Variants in PTPN22 observed in about 807,000 individuals in gnomAD.
PTPN22 encodes the protein tyrosine-protein phosphatase non-receptor type 22.
Under a neutral mutation model 103.3 loss-of-function variants are expected in PTPN22, and 85 were observed. The observed-to-expected ratio is 0.82, with a 90% CI of 0.69 to 0.99. The LOEUF is 0.99. Among genes scored for constraint, PTPN22 ranks in the 50% least tolerant of loss-of-function variants. The probability of loss-of-function intolerance (pLI) is 0.00; values close to 1 mark genes in which losing one functional copy is unlikely to be tolerated. For missense variants in PTPN22, 865 were observed against 936.9 expected (o/e 0.92, Z 1.00); for synonymous variants, 323 against 310.2 (o/e 1.04, Z -0.43).
At chr1:113,857,553 A>G (rs1053674238) in intron 5 of PTPN22, 185 bp downstream of exon 5, 3 of 550,268 alleles carry the variant, frequency 5.5e-6, no homozygotes, top group Non-Finnish European at 9.7e-6. Context: ...TGAGAAAACA[A>G]ACAAATAGGA....
rs547213135 is a variant in PTPN22 at position 113,834,235 on chromosome 1, G to C, written c.2025+74C>G. 54 of 1,384,938 alleles carry C rather than the reference G, an allele frequency of 3.9e-5. No homozygotes were observed. In the East Asian group the frequency reaches 4.8e-4, roughly 12 times the overall value. The allele number at this position is 1,384,938 out of a possible 1,614,324, so 85.8% of individuals were successfully genotyped here. A position where few individuals can be genotyped will look rare whatever the true frequency, so the allele number is the denominator to read the frequency against. ...TGTGCTTAGGATTTATTGAATGATGGGTGTTAAAAATACAAGGAGTAGAAC... is the reference window on the plus strand; with the variant it reads ...TGTGCTTAGGATTTATTGAATGATGCGTGTTAAAAATACAAGGAGTAGAAC... On this transcript the variant is annotated intron_variant, in intron 15 of 20. Transcript: ENST00000359785.
chr1:113,828,511 C>A (rs1430605353), intron 18 of PTPN22, among the ~76,000 whole-genome samples: 1 of 152,106 alleles, frequency 6.6e-6, no homozygotes, highest in African/African-American at 2.4e-5. Context: ...AACCATCCAT[C>A]TTTATCCCCT....
intron 17 of PTPN22, 70 bp downstream of exon 17, chr1:113,829,878 TC>T: frequency 7.2e-7 from 1 of 1,391,554 alleles, no homozygotes; most frequent in Admixed American, 1.7e-5. Context: ...TCCATTTAGG[TC>T]CTACTTTATT....
At chr1:113,855,903 T>G (rs1010433823) in intron 7 of PTPN22, among the ~76,000 whole-genome samples, 1 of 152,226 alleles carries the variant, frequency 6.6e-6, no homozygotes, top group South Asian at 2.1e-4. Context: ...CTCAAACTGG[T>G]CCCCAGTCTC....
chr1:113,834,742 T>A (rs1374252538), intron 14 of PTPN22, among the ~76,000 whole-genome samples, 168 bp downstream of exon 14: 2 of 151,714 alleles, frequency 1.3e-5, no homozygotes, highest in Non-Finnish European at 2.9e-5. Flanking sequence ...AAAAAAAAAA[T>A]TAGAGATGAG....
At chr1:113,830,967 CAA>C (rs1049657395) in intron 16 of PTPN22, among the ~76,000 whole-genome samples, 3 of 152,106 alleles carry the variant, frequency 2.0e-5, no homozygotes, top group African/African-American at 7.2e-5. Flanking sequence ...GTAATACACA[CAA>C]GTGTAGTACT....
At chr1:113,844,892 G>A (rs1298213026) in intron 11 of PTPN22, among the ~76,000 whole-genome samples, 1 of 151,810 alleles carries the variant, frequency 6.6e-6, no homozygotes, top group East Asian at 1.9e-4. Flanking sequence ...AATCACAGTT[G>A]ACTGCAGCCT....
At chr1:113,828,081 C>T (rs1197172344) in intron 18 of PTPN22, among the ~76,000 whole-genome samples, 2 of 152,040 alleles carry the variant, frequency 1.3e-5, no homozygotes, top group Non-Finnish European at 2.9e-5. Flanking sequence ...CCTATTTTTG[C>T]CCATTTTTAT....
Position 113,859,342 on chromosome 1 carries a change from T to A in PTPN22, c.196+10A>T, listed in dbSNP as rs1416532560. 1 of 1,600,088 alleles carries A rather than the reference T, an allele frequency of 6.2e-7. No individual in the cohort carries two copies. Among genetic ancestry groups the A allele is most frequent in the East Asian group, 2.2e-5 (1 of 44,812 alleles). On this transcript the variant is annotated intron_variant, in intron 2 of 20. Transcript: ENST00000359785. ...GAAAGTATGAGTTTATAGAGAGAAA[T>A]GGAACTTACAGGGCAAAATATCCTT...
exon 21 of PTPN22, chr1:113,814,479 T>C (rs1661015993): frequency 6.2e-6 from 1 of 161,084 alleles, no homozygotes; most frequent in Admixed American, 6.3e-5. Flanking sequence ...CAGTTTGTAT[T>C]GCAACCCACA....
chr1:113,837,025 T>C (rs879657980), intron 13 of PTPN22, among the ~76,000 whole-genome samples: 3 of 152,328 alleles, frequency 2.0e-5, no homozygotes, highest in Non-Finnish European at 2.9e-5. Context: ...GTACAGATCC[T>C]GTACCAGATC....
chr1:113,814,806 ATAT>A, exon 21 of PTPN22: 1 of 914,598 alleles, frequency 1.1e-6, no homozygotes, highest in South Asian at 1.4e-5. Flanking sequence ...TTCATATTTG[ATAT>A]TATGCATATA....
At chr1:113,825,770 G>A (rs1662000494) in intron 18 of PTPN22, among the ~76,000 whole-genome samples, 1 of 152,128 alleles carries the variant, frequency 6.6e-6, no homozygotes, top group African/African-American at 2.4e-5. Flanking sequence ...CTAGAGTGCA[G>A]TGGCGTGATC....
chr1:113,841,781 G>A (rs561549187), intron 11 of PTPN22, among the ~76,000 whole-genome samples: 1 of 152,114 alleles, frequency 6.6e-6, no homozygotes, highest in South Asian at 2.1e-4. Flanking sequence ...TTTTGTCTTT[G>A]TAGGAGAGAC....
chr1:113,838,551 G>A, exon 12 of PTPN22: 1 of 1,612,270 alleles, frequency 6.2e-7, no homozygotes, highest in Non-Finnish European at 8.5e-7. Context: ...CACCTTTTTG[G>A]TAAATTAGGA....
intron 16 of PTPN22, among the ~76,000 whole-genome samples, chr1:113,832,029 C>T (rs567378208): frequency 2.6e-4 from 38 of 147,610 alleles, no homozygotes; most frequent in Non-Finnish European, 4.3e-4. Context: ...GTATTTAATC[C>T]TCATAAAAAT....
In PTPN22 at chr1:113,821,046, A is replaced by G. The variant is rs571008800; in HGVS notation, c.2282-1392T>C. Reference sequence around the variant, plus strand: ...TATAAAATACTATTCATATTTAAATACTTACTATGTGCTAAGCATTGCTGT... The same window carrying G: ...TATAAAATACTATTCATATTTAAATGCTTACTATGTGCTAAGCATTGCTGT... On this transcript the variant is annotated intron_variant, in intron 19 of 20. Coordinates refer to ENST00000359785, the Ensembl canonical transcript of PTPN22. 7.9e-5 allele frequency among the ~76,000 whole-genome samples: 12 copies of G among 151,698 alleles called. No individual in the cohort carries two copies. The East Asian group carries it at 2.0e-3, about 25-fold the overall frequency.
chr1:113,828,509 A>T (rs1452776991), intron 18 of PTPN22, among the ~76,000 whole-genome samples: 2 of 152,166 alleles, frequency 1.3e-5, no homozygotes, highest in African/African-American at 4.8e-5. Flanking sequence ...TAAACCATCC[A>T]TCTTTATCCC....
At chr1:113,821,214 G>GT (rs746145971) in intron 19 of PTPN22, among the ~76,000 whole-genome samples, 34 of 151,730 alleles carry the variant, frequency 2.2e-4, no homozygotes, top group Non-Finnish European at 4.4e-4. Flanking sequence ...GGAGAATATT[G>GT]TTTTTTTTAC....
Sources: gnomAD v4.1 joint callset for allele counts (sites outside exome capture counted in the v4.1 genomes callset) on GRCh38, gnomAD v4.1.1 for gene constraint, MANE v1.5 for transcripts, NCBI Gene and HGNC (gene_info 2026-07-23, HGNC 2026-07-21) for gene names.